NOL10: variants seen among roughly 807,000 people sequenced by gnomAD.
The protein encoded by NOL10 is H_NH0074G24.1.
In NOL10, 58 loss-of-function variants were observed where a neutral mutation model predicts 103.5. The ratio of observed to expected loss-of-function variants is 0.56; its 90% CI spans 0.45 to 0.70. NOL10 has a LOEUF of 0.70. NOL10 is among the 30% of genes least tolerant of loss of function. The pLI, the probability that NOL10 is intolerant of heterozygous loss-of-function variation, is 0.00. For missense variants in NOL10, 763 were observed against 807.3 expected, an observed-to-expected ratio of 0.95 and a Z score of 0.67; for synonymous variants, 287 against 282.5, an observed-to-expected ratio of 1.02 and a Z score of -0.16.
chr2:10,620,803 T>C (rs1210578318), intron 13 of NOL10, among the ~76,000 whole-genome samples: 1 of 152,156 alleles, frequency 6.6e-6, no homozygotes, highest in Non-Finnish European at 1.5e-5. Context: ...TTTGTTGTTG[T>C]TGTTGTTTTT....
chr2:10,665,442 G>A (rs1314660051), intron 8 of NOL10, among the ~76,000 whole-genome samples: 1 of 152,116 alleles, frequency 6.6e-6, no homozygotes, highest in Non-Finnish European at 1.5e-5. Flanking sequence ...AACTAAAGAA[G>A]AAACTAAAAT....
At chr2:10,664,320 C>T (rs1056531254) in intron 8 of NOL10, among the ~76,000 whole-genome samples, 7 of 151,632 alleles carry the variant, frequency 4.6e-5, no homozygotes, top group South Asian at 2.1e-4. Flanking sequence ...CCCAGCTATT[C>T]GGGAGCCTGA....
chr2:10,583,947 GA>G (rs1674892390), intron 19 of NOL10, among the ~76,000 whole-genome samples: 1 of 152,196 alleles, frequency 6.6e-6, no homozygotes, highest in South Asian at 2.1e-4. Flanking sequence ...AACACTAGGG[GA>G]GGGGTTGGAA....
chr2:10,641,172 T>C (rs888165432), intron 13 of NOL10, among the ~76,000 whole-genome samples: 1 of 58,586 alleles, frequency 1.7e-5, no homozygotes, highest in Admixed American at 1.9e-4. Flanking sequence ...AATACAAAAA[T>C]ACAAAAAAAA....
At chr2:10,605,475 A>G (rs1558284583) in intron 14 of NOL10, among the ~76,000 whole-genome samples, 1 of 152,254 alleles carries the variant, frequency 6.6e-6, no homozygotes, top group Non-Finnish European at 1.5e-5. Context: ...AGATATTAGT[A>G]ATATACATAA....
chr2:10,607,569 T>C (rs534631535), intron 13 of NOL10, among the ~76,000 whole-genome samples: 1 of 152,252 alleles, frequency 6.6e-6, no homozygotes, highest in South Asian at 2.1e-4. Flanking sequence ...GTTCTTATAT[T>C]AGCACTATCA....
intron 1 of NOL10, among the ~76,000 whole-genome samples, chr2:10,688,979 T>C (rs1682415263): frequency 6.6e-6 from 1 of 152,226 alleles, no homozygotes; most frequent in African/African-American, 2.4e-5. Flanking sequence ...AGGCCAACAG[T>C]GGCATGCTAT....
intron 13 of NOL10, among the ~76,000 whole-genome samples, chr2:10,618,073 C>T (rs1410273908): frequency 1.3e-5 from 2 of 150,302 alleles, no homozygotes; most frequent in Non-Finnish European, 3.0e-5. Flanking sequence ...GATGGGGTCT[C>T]ACTATGTTAC....
At chr2:10,650,588 A>T (rs1440784383) in intron 12 of NOL10, among the ~76,000 whole-genome samples, 1 of 152,110 alleles carries the variant, frequency 6.6e-6, no homozygotes, top group African/African-American at 2.4e-5. Context: ...AAATCATTTA[A>T]ATTTTTATCG....
chr2:10,613,426 T>C (rs72775390), intron 13 of NOL10, among the ~76,000 whole-genome samples: 126 of 152,314 alleles, frequency 8.3e-4, no homozygotes, highest in Middle Eastern at 3.4e-3. Flanking sequence ...CAGAAATTTT[T>C]AAAAGGTTCT....
At chr2:10,626,902 C>T (rs1411920340) in intron 13 of NOL10, among the ~76,000 whole-genome samples, 7 of 152,218 alleles carry the variant, frequency 4.6e-5, no homozygotes, top group Admixed American at 6.5e-5. Context: ...TTTACCCAAT[C>T]AGAACTGAAA....
At chr2:10,626,338 G>A (rs1677462203) in intron 13 of NOL10, among the ~76,000 whole-genome samples, 1 of 152,134 alleles carries the variant, frequency 6.6e-6, no homozygotes. Flanking sequence ...CCGCCTTGTG[G>A]AGCTTACATC....
At chr2:10,683,254 A>C (rs936862326) in intron 2 of NOL10, among the ~76,000 whole-genome samples, 1 of 152,214 alleles carries the variant, frequency 6.6e-6, no homozygotes, top group Non-Finnish European at 1.5e-5. Context: ...AGCTATAATG[A>C]AGAAAATATA....
At chr2:10,618,347 C>T (rs951206249) in intron 13 of NOL10, among the ~76,000 whole-genome samples, 1 of 152,126 alleles carries the variant, frequency 6.6e-6, no homozygotes, top group East Asian at 1.9e-4. Flanking sequence ...CTGCTCAAGG[C>T]TCAGGCCAGA....
chr2:10,651,051 T>C (rs555231705), intron 12 of NOL10, among the ~76,000 whole-genome samples: 1 of 152,154 alleles, frequency 6.6e-6, no homozygotes, highest in Non-Finnish European at 1.5e-5. Context: ...AAGAGATCTT[T>C]ACAGCCATTA....
chr2:10,576,300 A>G (rs1412138221), intron 20 of NOL10, among the ~76,000 whole-genome samples: 2 of 152,192 alleles, frequency 1.3e-5, no homozygotes, highest in African/African-American at 4.8e-5. Flanking sequence ...CACTGTCAGA[A>G]AACAGTCTGA....
intron 3 of NOL10, among the ~76,000 whole-genome samples, chr2:10,677,664 G>C (rs1681408301): frequency 6.6e-6 from 1 of 151,484 alleles, no homozygotes; most frequent in African/African-American, 2.4e-5. Context: ...GTAAAGATGG[G>C]GTTTCACCAC....
intron 18 of NOL10, 48 bp from the exon 19 acceptor site, chr2:10,589,338 C>T (rs1303082054): frequency 6.2e-6 from 10 of 1,603,156 alleles, no homozygotes; most frequent in Admixed American, 3.4e-5. Context: ...CAGTCAAACA[C>T]AGACCCCTTG....
intron 12 of NOL10, among the ~76,000 whole-genome samples, chr2:10,651,039 T>C (rs1306712563): frequency 6.6e-6 from 1 of 152,098 alleles, no homozygotes; most frequent in East Asian, 1.9e-4. Context: ...CCTTTGTGGG[T>C]TAAGAGATCT....
Sources: allele counts gnomAD v4.1 joint callset (sites outside exome capture counted in the v4.1 genomes callset), GRCh38; gene constraint gnomAD v4.1.1; transcripts MANE v1.5; gene names NCBI Gene and HGNC (gene_info 2026-07-23, HGNC 2026-07-21).